TIMM21: variants seen among roughly 807,000 people sequenced by gnomAD.
The protein encoded by TIMM21 is mitochondrial import inner membrane translocase subunit Tim21.
Under a neutral mutation model 27.7 loss-of-function variants are expected in TIMM21, and 30 were observed. The ratio of observed to expected loss-of-function variants is 1.08; its 90% CI spans 0.81 to 1.47. The LOEUF is 1.47. Among genes scored for constraint, TIMM21 ranks in the 40% most tolerant of loss-of-function variants. The pLI is 0.00. For synonymous variants in TIMM21, 121 were observed against 114.4 expected, an observed-to-expected ratio of 1.06 and a Z score of -0.37; for missense variants, 292 against 302.9, an observed-to-expected ratio of 0.96 and a Z score of 0.27.
chr18:74,149,036 G>T lies in TIMM21; in HGVS notation c.228G>T (p.Lys76Asn), dbSNP rs752110195. ...AGGGACCGAGCCCCCGAAAAGCAAA[G>T]GAGGATGGCAGCAAACAAGTGTCTG... The part of the protein sequence containing the change: ...WTQGPSPRKA[K>N]EDGSKQVSVH... The change falls in exon 1 of 6, where the codon AAG (lysine) becomes AAT (asparagine). Residue 76 changes from lysine to asparagine, a missense_variant. By Grantham distance (94) the Lys-to-Asn change is moderately conservative (BLOSUM62 0). Coordinates refer to ENST00000169551, the MANE Select transcript of TIMM21 (RefSeq NM_014177.3). 6.8e-6 allele frequency: 11 copies of T among 1,614,144 alleles called. No homozygotes were observed. In the South Asian group the frequency reaches 8.8e-5, roughly 13 times the overall value.
chr18:74,158,368 T>A lies in TIMM21; in HGVS notation c.643-8T>A. On this transcript the variant is annotated splice_region_variant and splice_polypyrimidine_tract_variant and intron_variant, in intron 5 of 5. Coordinates refer to ENST00000169551, the MANE Select transcript of TIMM21 (RefSeq NM_014177.3). ...AAATAATACCTGGAAACACTACATTTTTTTCAGAACCCAGGAAGTGGTGAA... is the reference window on the plus strand; with the variant it reads ...AAATAATACCTGGAAACACTACATTATTTTCAGAACCCAGGAAGTGGTGAA... 6.2e-7 allele frequency: 1 copy of A among 1,606,934 alleles called. No homozygotes were observed. Among genetic ancestry groups the A allele is most frequent in the Non-Finnish European group, 8.5e-7 (1 of 1,175,546 alleles).
intron 1 of TIMM21, among the ~76,000 whole-genome samples, chr18:74,153,538 T>A (rs1198463729): frequency 6.6e-6 from 1 of 152,102 alleles, no homozygotes; most frequent in African/African-American, 2.4e-5. Context: ...ACACTGAGAG[T>A]GGAATGAGAT....
At chr18:74,155,066 G>C in intron 1 of TIMM21, 79 bp from the exon 2 acceptor site, 3 of 1,428,474 alleles carry the variant, frequency 2.1e-6, no homozygotes, top group South Asian at 1.2e-5. Context: ...CTTTTCTCTC[G>C]CAAGAAGTGC....
intron 1 of TIMM21, among the ~76,000 whole-genome samples, chr18:74,149,918 CA>C (rs772640248): frequency 1.3e-5 from 2 of 152,214 alleles, no homozygotes; most frequent in Non-Finnish European, 2.9e-5. Flanking sequence ...ATCTGCACCC[CA>C]TTCAGACGTG....
In TIMM21 at chr18:74,158,377, A is replaced by C. The variant is rs563011907; in HGVS notation, c.644A>C (p.Asn215Thr). Residue 215 changes from asparagine to threonine, a missense_variant and splice_region_variant, in exon 6 of 6, where the codon AAC becomes ACC. By Grantham distance (65) the Asn-to-Thr change is moderately conservative. Transcript: ENST00000169551. Reference sequence around the variant, plus strand: ...CTGGAAACACTACATTTTTTTCAGAACCCAGGAAGTGGTGAATATGATTTT... The same window carrying C: ...CTGGAAACACTACATTTTTTTCAGACCCCAGGAAGTGGTGAATATGATTTT... ...QGTVYAQVKE[N>T]PGSGEYDFRY... 2 of 1,607,180 alleles carry C rather than the reference A, an allele frequency of 1.2e-6. No homozygotes were observed. Among genetic ancestry groups the C allele is most frequent in the East Asian group, 4.5e-5 (2 of 44,822 alleles).
intron 1 of TIMM21, among the ~76,000 whole-genome samples, chr18:74,154,050 C>T (rs150511589): frequency 1.3e-5 from 2 of 152,108 alleles, no homozygotes; most frequent in Admixed American, 6.5e-5. Flanking sequence ...TGAAGATACA[C>T]ATGGTAGATA....
intron 1 of TIMM21, among the ~76,000 whole-genome samples, chr18:74,151,196 G>GT (rs1368128923): frequency 2.6e-5 from 4 of 152,154 alleles, no homozygotes; most frequent in Non-Finnish European, 5.9e-5. Context: ...AGGACGGGGG[G>GT]AGTCAGTTAC....
chr18:74,154,064 A>G (rs1450357231), intron 1 of TIMM21, among the ~76,000 whole-genome samples: 1 of 152,210 alleles, frequency 6.6e-6, no homozygotes. Context: ...GTAGATATAC[A>G]GTAGCTGTTG....
chr18:74,158,517 C>T lies in TIMM21; in HGVS notation c.*37C>T, dbSNP rs1482615167. 1.8e-5 allele frequency: 23 copies of T among 1,289,216 alleles called. No homozygotes were observed. Among genetic ancestry groups the T allele is most frequent in the African/African-American group, 4.6e-5 (3 of 65,722 alleles). 79.9% of individuals were successfully genotyped at this position (1,289,216 alleles called of 1,614,324 possible). ...TGATGGATGTTGAATGGCGTGGACT[C>T]GCTACTCCGTTCTTCACAGCTGCCT... On this transcript the variant is annotated 3_prime_UTR_variant, in exon 6 of 6. Coordinates refer to ENST00000169551, the MANE Select transcript of TIMM21 (RefSeq NM_014177.3).
In TIMM21 at chr18:74,155,156, G is replaced by A. The variant is rs767969197; in HGVS notation, c.313G>A (p.Gly105Arg). ...TTTTCTCTTCACAGTGAAAGAAGCC[G>A]GAAGAGATTTTACCTATTTAATAGT... is the stretch of plus-strand genomic sequence containing the variant. ...VPTSQKVKEA[G>R]RDFTYLIVVL... is the part of the protein sequence containing the mutation. The change falls in exon 2 of 6, where the codon GGA (glycine) becomes AGA (arginine). Residue 105 changes from glycine (G) to arginine (R), a missense_variant. Transcript: ENST00000169551. The A allele has an allele frequency of 3.3e-5, 54 of 1,614,028 alleles. No individual in the cohort carries two copies. Among genetic ancestry groups the A allele is most frequent in the South Asian group, 3.1e-4 (28 of 91,068 alleles).
Position 74,149,190 on chromosome 18 carries a change from C to T in TIMM21, c.301+81C>T, listed in dbSNP as rs74324776. On this transcript the variant is annotated intron_variant, in intron 1 of 5. Transcript: ENST00000169551. The stretch of plus-strand genomic sequence containing the variant: ...ATGCCCTTTTATACCAAGTTCACTG[C>T]TAAAGGTGAAAAAGCAATTCACATG... 2.0e-3 allele frequency: 2,859 copies of T among 1,461,164 alleles called. 32 individuals carry two copies. In the African/African-American group the frequency reaches 0.027, roughly 14 times the overall value. The allele number at this position is 1,461,164 out of a possible 1,614,324, so 90.5% of individuals were successfully genotyped here.
chr18:74,156,540 A>G (rs1979956398), intron 3 of TIMM21: 1 of 367,248 alleles, frequency 2.7e-6, no homozygotes, highest in Admixed American at 4.6e-5. Flanking sequence ...AAACCAGGAA[A>G]TAAGGAAGGT....
Position 74,149,073 on chromosome 18 carries a change from CAGAG to C in TIMM21, c.268_271del (p.Arg90GlyfsTer11). On this transcript the variant is annotated frameshift_variant, in exon 1 of 6. Coordinates refer to ENST00000169551, the MANE Select transcript of TIMM21 (RefSeq NM_014177.3). LOFTEE classifies it high-confidence loss of function. ...CAAACAAGTGTCTGTGCACAGGAGT[CAGAG>C]AGGGGGAACCGCCGTCCCAACATCA... The C allele has an allele frequency of 1.2e-6, 2 of 1,611,888 alleles. No individual in the cohort carries two copies. Among genetic ancestry groups the C allele is most frequent in the Non-Finnish European group, 1.7e-6 (2 of 1,178,428 alleles).
Position 74,158,521 on chromosome 18 carries a change from A to G in TIMM21, c.*41A>G, listed in dbSNP as rs750719390. 2 of 1,257,072 alleles carry G rather than the reference A, an allele frequency of 1.6e-6. No homozygotes were observed. The highest frequency in any genetic ancestry group is 1.5e-5 in the African/African-American group (1 of 65,010). The allele number at this position is 1,257,072 out of a possible 1,614,324, so 77.9% of individuals were successfully genotyped here. ...GGATGTTGAATGGCGTGGACTCGCT[A>G]CTCCGTTCTTCACAGCTGCCTTCCA... On this transcript the variant is annotated 3_prime_UTR_variant, in exon 6 of 6. Transcript: ENST00000169551.
rs1024177228 is a variant in TIMM21 at position 74,151,941 on chromosome 18, C to CA, written c.301+2832_301+2833insA. ...AAGAAGCAGTGGTGTCTATGTTCCCCCCCCCCCCGGGGGGACCTCCAGCTC... is the reference window on the plus strand; with the variant it reads ...AAGAAGCAGTGGTGTCTATGTTCCCCACCCCCCCCGGGGGGACCTCCAGCTC... On this transcript the variant is annotated intron_variant, in intron 1 of 5. Coordinates refer to ENST00000169551, the MANE Select transcript of TIMM21 (RefSeq NM_014177.3). Among the ~76,000 whole-genome samples the CA allele has an allele frequency of 2.8e-5, 4 of 144,642 alleles. 1 individual carries two copies. Among genetic ancestry groups the CA allele is most frequent in the African/African-American group, 8.4e-5 (3 of 35,830 alleles). The allele number at this position is 144,642 out of a possible 152,430, so 94.9% of individuals were successfully genotyped here.
At chr18:74,150,708 C>T (rs1979778201) in intron 1 of TIMM21, among the ~76,000 whole-genome samples, 1 of 152,206 alleles carries the variant, frequency 6.6e-6, no homozygotes, top group East Asian at 1.9e-4. Flanking sequence ...ACCCCGGCTG[C>T]CACTTGGTTG....
At chr18:74,150,216 A>G (rs946341217) in intron 1 of TIMM21, among the ~76,000 whole-genome samples, 3 of 152,190 alleles carry the variant, frequency 2.0e-5, no homozygotes, top group Non-Finnish European at 4.4e-5. Flanking sequence ...CTCTAACATG[A>G]TGGCATAAAT....
At chr18:74,155,561 C>CT in intron 3 of TIMM21, 158 bp downstream of exon 3, 1 of 634,562 alleles carries the variant, frequency 1.6e-6, no homozygotes, top group Non-Finnish European at 2.7e-6. Context: ...GGTCTTTGCT[C>CT]TTTAAGAGAA....
At chr18:74,153,900 A>G (rs929311386) in intron 1 of TIMM21, among the ~76,000 whole-genome samples, 1 of 152,224 alleles carries the variant, frequency 6.6e-6, no homozygotes, top group African/African-American at 2.4e-5. Context: ...CAGAAGTCTG[A>G]ATGGCTAATG....
Sources: gnomAD v4.1 joint callset for allele counts (sites outside exome capture counted in the v4.1 genomes callset) on GRCh38, gnomAD v4.1.1 for gene constraint, MANE v1.5 for transcripts, NCBI Gene and HGNC (gene_info 2026-07-23, HGNC 2026-07-21) for gene names.